Variants in SAMD12 observed in about 807,000 individuals in gnomAD.
SAMD12 encodes the protein sterile alpha motif domain containing 12.
SAMD12 carries 9 observed loss-of-function variants against 15.0 expected under a neutral mutation model. That is an observed-to-expected ratio of 0.60 (90% CI 0.36 to 1.05). The LOEUF (loss-of-function observed/expected upper bound fraction) is 1.05, where lower values mean the gene tolerates loss of function less well. Ranked by LOEUF, SAMD12 falls within the 50% of genes least tolerant of loss-of-function variation. SAMD12 has a pLI of 0.01. For synonymous variants in SAMD12, 86 were observed against 90.1 expected (o/e 0.96, Z 0.25); for missense variants, 230 against 234.2 (o/e 0.98, Z 0.12).
intron 2 of SAMD12, among the ~76,000 whole-genome samples, chr8:118,534,560 C>T (rs1825785185): frequency 6.6e-6 from 1 of 152,168 alleles, no homozygotes; most frequent in South Asian, 2.1e-4. Flanking sequence ...TTCCATTCTC[C>T]CTGTCACTTT....
the SAMD12 span, among the ~76,000 whole-genome samples, chr8:118,159,420 C>T: frequency 6.6e-6 from 1 of 152,206 alleles, no homozygotes; most frequent in Non-Finnish European, 1.5e-5. Flanking sequence ...CCTCTCACCA[C>T]TCTTTGTCTG....
chr8:118,537,368 T>A (rs1292413774), intron 2 of SAMD12, among the ~76,000 whole-genome samples: 1 of 151,790 alleles, frequency 6.6e-6, no homozygotes, highest in Non-Finnish European at 1.5e-5. Context: ...AATATTTCTA[T>A]CCCCCTCTCT....
intron 2 of SAMD12, among the ~76,000 whole-genome samples, chr8:118,547,142 T>A (rs1826153737): frequency 6.6e-6 from 1 of 152,150 alleles, no homozygotes; most frequent in South Asian, 2.1e-4. Flanking sequence ...TACTGAAAGA[T>A]TAGTGCGAGC....
intron 4 of SAMD12, among the ~76,000 whole-genome samples, chr8:118,212,523 G>A (rs1338145824): frequency 6.6e-6 from 1 of 152,068 alleles, no homozygotes; most frequent in African/African-American, 2.4e-5. Flanking sequence ...ATAATAAAAC[G>A]AAACACACCT....
intron 4 of SAMD12, among the ~76,000 whole-genome samples, chr8:118,315,627 C>A (rs1815854626): frequency 6.6e-6 from 1 of 152,026 alleles, no homozygotes; most frequent in South Asian, 2.1e-4. Context: ...GGATAAGTGT[C>A]TTAAAATAGT....
chr8:118,533,295 G>T (rs1586794033), intron 2 of SAMD12, among the ~76,000 whole-genome samples: 1 of 152,172 alleles, frequency 6.6e-6, no homozygotes, highest in African/African-American at 2.4e-5. Flanking sequence ...TTGCACTATG[G>T]TCTGAGAGAC....
chr8:118,608,388 A>T lies in SAMD12; in HGVS notation c.13+13416T>A, dbSNP rs192667665. On this transcript the variant is annotated intron_variant, in intron 1 of 3. Transcript: ENST00000314727. ...TTTCCTAGTTTCGTCTTCCCGTCCCATTTCTTAAGCACTGCATTGCCTAGC... is the reference window on the plus strand; with the variant it reads ...TTTCCTAGTTTCGTCTTCCCGTCCCTTTTCTTAAGCACTGCATTGCCTAGC... Among the ~76,000 whole-genome samples the T allele has an allele frequency of 1.8e-3, 277 of 151,840 alleles. 4 individuals are homozygous for T. The highest frequency in any genetic ancestry group is 4.4e-4 in the Non-Finnish European group (30 of 67,940).
At chr8:118,534,530 C>T (rs1041293420) in intron 2 of SAMD12, among the ~76,000 whole-genome samples, 2 of 152,202 alleles carry the variant, frequency 1.3e-5, no homozygotes, top group Non-Finnish European at 2.9e-5. Context: ...TAATATCCTG[C>T]AGAGTGTTTT....
At chr8:118,601,853 G>C (rs1827872976) in intron 1 of SAMD12, among the ~76,000 whole-genome samples, 1 of 152,176 alleles carries the variant, frequency 6.6e-6, no homozygotes, top group Non-Finnish European at 1.5e-5. Context: ...AAGCTAATAG[G>C]GAAGGAAAGA....
chr8:118,616,068 G>A (rs1443408589), intron 1 of SAMD12, among the ~76,000 whole-genome samples: 1 of 152,088 alleles, frequency 6.6e-6, no homozygotes, highest in Non-Finnish European at 1.5e-5. Context: ...CAGATCTGGT[G>A]GTATAGAGAA....
At chr8:118,594,050 T>C (rs1035371063) in intron 1 of SAMD12, among the ~76,000 whole-genome samples, 1 of 152,214 alleles carries the variant, frequency 6.6e-6, no homozygotes, top group Non-Finnish European at 1.5e-5. Context: ...CAAATCACAG[T>C]TATTTTCTTG....
intron 3 of SAMD12, among the ~76,000 whole-genome samples, chr8:118,389,413 C>T (rs978780042): frequency 3.3e-5 from 5 of 152,230 alleles, no homozygotes; most frequent in African/African-American, 7.2e-5. Flanking sequence ...AAGCTGGGTG[C>T]GGTGGCCTAT....
intron 2 of SAMD12, among the ~76,000 whole-genome samples, chr8:118,500,374 G>A (rs1198442266): frequency 2.0e-5 from 3 of 151,402 alleles, no homozygotes; most frequent in Non-Finnish European, 2.9e-5. Flanking sequence ...CACTGCGCCC[G>A]GCATGCACTT....
At chr8:118,509,749 T>G (rs1450510334) in intron 2 of SAMD12, among the ~76,000 whole-genome samples, 1 of 151,878 alleles carries the variant, frequency 6.6e-6, no homozygotes, top group Non-Finnish European at 1.5e-5. Context: ...TACACATAAT[T>G]TAAGTGTTTA....
rs749531932 is a variant in SAMD12 at position 118,379,633 on chromosome 8, C to A, written c.390G>T (p.Arg130=). 1 of 1,613,910 alleles carries A rather than the reference C, an allele frequency of 6.2e-7. No homozygotes were observed. Among genetic ancestry groups the A allele is most frequent in the Non-Finnish European group, 8.5e-7 (1 of 1,179,876 alleles). ...GGAGCACCTGTTGTAAGATGTGCTG[C>A]CGGAGGTTCTCCTGGGCAATCCCCA... ...ERMGIAQENL[R]QHILQQVLQL... The change falls in exon 4 of 4, where the codon CGG becomes CGT. Residue 130 remains arginine (R), a synonymous_variant. Coordinates refer to ENST00000314727, the MANE Select transcript of SAMD12 (RefSeq NM_207506.3).
intron 2 of SAMD12, among the ~76,000 whole-genome samples, chr8:118,514,663 A>G (rs887338511): frequency 6.6e-6 from 1 of 152,258 alleles, no homozygotes; most frequent in Non-Finnish European, 1.5e-5. Context: ...AGAGACAATT[A>G]TAGGTAATAT....
intron 4 of SAMD12, among the ~76,000 whole-genome samples, chr8:118,315,500 C>G (rs1042949856): frequency 2.6e-5 from 4 of 152,126 alleles, no homozygotes; most frequent in African/African-American, 9.7e-5. Context: ...AGAAGTTTCT[C>G]TGAGCCAAGA....
At chr8:118,621,507 G>C in intron 1 of SAMD12, 2 of 480,058 alleles carry the variant, frequency 4.2e-6, no homozygotes, top group South Asian at 6.8e-5. Context: ...CCTCATGCCG[G>C]ATCCTCCGGC....
At chr8:118,457,175 T>C (rs1413214851) in intron 2 of SAMD12, among the ~76,000 whole-genome samples, 2 of 152,066 alleles carry the variant, frequency 1.3e-5, no homozygotes, top group South Asian at 2.1e-4. Flanking sequence ...GTCTTCCTTC[T>C]GGTACAGCTG....
Sources: allele counts gnomAD v4.1 joint callset (sites outside exome capture counted in the v4.1 genomes callset), GRCh38; gene constraint gnomAD v4.1.1; transcripts MANE v1.5; gene names NCBI Gene and HGNC (gene_info 2026-07-23, HGNC 2026-07-21).